Variants in CAMTA1 observed in about 807,000 individuals in gnomAD.
CAMTA1 encodes the protein calmodulin binding transcription activator 1, also known as calmodulin-binding transcription activator 1.
CAMTA1 carries 27 observed loss-of-function variants against 170.9 expected under a neutral mutation model. The observed-to-expected ratio is 0.16, with a 90% CI of 0.12 to 0.22. The LOEUF is 0.22. CAMTA1 is among the 10% of genes least tolerant of loss of function. The probability of loss-of-function intolerance (pLI) is 1.00; values close to 1 mark genes in which losing one functional copy is unlikely to be tolerated. For synonymous variants in CAMTA1, 833 were observed against 891.5 expected, an observed-to-expected ratio of 0.93 and a Z score of 1.17; for missense variants, 1,619 against 2,217.2, an observed-to-expected ratio of 0.73 and a Z score of 5.42.
chr1:7,669,060 G>A (rs2096030234), intron 9 of CAMTA1, among the ~76,000 whole-genome samples: 1 of 152,214 alleles, frequency 6.6e-6, no homozygotes, highest in Admixed American at 6.5e-5. Flanking sequence ...AACAAGGGAT[G>A]CTGTGGTCAG....
At chr1:6,844,901 T>C (rs1657436035) in intron 3 of CAMTA1, among the ~76,000 whole-genome samples, 1 of 152,112 alleles carries the variant, frequency 6.6e-6, no homozygotes, top group South Asian at 2.1e-4. Context: ...AACTCGTGGA[T>C]ATCAGTCAGG....
chr1:7,402,556 T>C (rs705693), intron 5 of CAMTA1, among the ~76,000 whole-genome samples: 117,099 of 152,132 alleles, frequency 0.77, 46,109 homozygotes, highest in African/African-American at 0.91. Flanking sequence ...CATTATATGC[T>C]GCAGTCGTGA....
chr1:7,105,512 C>T (rs140901370), intron 4 of CAMTA1, among the ~76,000 whole-genome samples: 149 of 152,358 alleles, frequency 9.8e-4, no homozygotes, highest in Non-Finnish European at 1.8e-3. Flanking sequence ...CCTTTTCCTC[C>T]GTTCCACTGA....
intron 4 of CAMTA1, among the ~76,000 whole-genome samples, chr1:7,133,796 A>G (rs554880379): frequency 7.2e-5 from 11 of 152,302 alleles, no homozygotes; most frequent in Non-Finnish European, 1.2e-4. Context: ...GGCCCTCTCA[A>G]ATGGTGGATG....
At chr1:7,720,847 C>T (rs1320335520) in intron 11 of CAMTA1, among the ~76,000 whole-genome samples, 1 of 152,158 alleles carries the variant, frequency 6.6e-6, no homozygotes, top group Non-Finnish European at 1.5e-5. Flanking sequence ...AGATGGCAGC[C>T]AGCCGGGCAG....
At chr1:6,989,202 A>G (rs1175455029) in intron 3 of CAMTA1, among the ~76,000 whole-genome samples, 1 of 152,164 alleles carries the variant, frequency 6.6e-6, no homozygotes, top group African/African-American at 2.4e-5. Context: ...AGACAGTTCC[A>G]TGGAAGGGGG....
intron 6 of CAMTA1, among the ~76,000 whole-genome samples, chr1:7,488,039 C>T (rs2093640464): frequency 6.6e-6 from 1 of 152,194 alleles, no homozygotes; most frequent in Non-Finnish European, 1.5e-5. Context: ...TCTGAGACTC[C>T]TCCCATCTAC....
intron 5 of CAMTA1, among the ~76,000 whole-genome samples, chr1:7,341,353 C>A (rs2083815405): frequency 1.3e-5 from 2 of 152,244 alleles, no homozygotes. Context: ...CCCACAGAAG[C>A]AGGTGACCAG....
At chr1:7,397,490 G>T (rs187624824) in intron 5 of CAMTA1, among the ~76,000 whole-genome samples, 1 of 151,928 alleles carries the variant, frequency 6.6e-6, no homozygotes, top group Admixed American at 6.5e-5. Context: ...TTGGGTTTTG[G>T]TCTCTATTTT....
In CAMTA1 at chr1:6,990,783, CTG is replaced by C. The variant is rs750158398; in HGVS notation, c.235-100519_235-100518del. 3.1e-3 allele frequency among the ~76,000 whole-genome samples: 360 copies of C among 117,904 alleles called. 2 individuals carry two copies. Among genetic ancestry groups the C allele is most frequent in the Middle Eastern group, 8.6e-3 (2 of 232 alleles). 77.3% of individuals were successfully genotyped at this position (117,904 alleles called of 152,430 possible). A position where few individuals can be genotyped will look rare whatever the true frequency, so the allele number is the denominator to read the frequency against. On this transcript the variant is annotated intron_variant, in intron 3 of 22. Transcript: ENST00000303635. ...CATATAACATGTACTTTCTCTCTCT[CTG>C]TCTCTCTCTCTCTCTCTCTCTATAT...
At chr1:7,196,642 G>A (rs1283581332) in intron 4 of CAMTA1, among the ~76,000 whole-genome samples, 2 of 152,198 alleles carry the variant, frequency 1.3e-5, no homozygotes, top group East Asian at 3.8e-4. Flanking sequence ...ATTCCCTTGG[G>A]AACCAGAAAT....
At chr1:7,636,151 A>AC (rs374808263) in intron 6 of CAMTA1, among the ~76,000 whole-genome samples, 54 of 151,740 alleles carry the variant, frequency 3.6e-4, no homozygotes, top group African/African-American at 1.1e-3. Flanking sequence ...CCGGGAAGGG[A>AC]CCCCCCACCC....
At chr1:6,993,251 C>A (rs1157918259) in intron 3 of CAMTA1, among the ~76,000 whole-genome samples, 1 of 152,132 alleles carries the variant, frequency 6.6e-6, no homozygotes, top group Non-Finnish European at 1.5e-5. Flanking sequence ...ATTAAAAAAA[C>A]CTGCAGGTAT....
chr1:6,886,325 C>T (rs555390276), intron 3 of CAMTA1: 53 of 446,104 alleles, frequency 1.2e-4, no homozygotes, highest in African/African-American at 5.1e-4. Context: ...CAGAGGAACT[C>T]GTATTTTATG....
intron 3 of CAMTA1, among the ~76,000 whole-genome samples, chr1:6,933,321 A>C (rs1054578051): frequency 6.6e-6 from 1 of 151,982 alleles, no homozygotes; most frequent in Non-Finnish European, 1.5e-5. Flanking sequence ...GTATAGTGGC[A>C]TGATCTCAGC....
chr1:7,279,485 A>G (rs940977793), intron 5 of CAMTA1, among the ~76,000 whole-genome samples: 8 of 152,126 alleles, frequency 5.3e-5, no homozygotes, highest in African/African-American at 1.4e-4. Flanking sequence ...AAAGCTGTCA[A>G]TGTCATAAGT....
chr1:6,855,192 C>T (rs2148843712), intron 3 of CAMTA1, among the ~76,000 whole-genome samples: 1 of 152,104 alleles, frequency 6.6e-6, no homozygotes, highest in Admixed American at 6.5e-5. Context: ...TATATGCCAA[C>T]AACAAACACA....
intron 3 of CAMTA1, among the ~76,000 whole-genome samples, chr1:7,039,279 T>TATC (rs1297482665): frequency 3.9e-5 from 6 of 152,166 alleles, no homozygotes; most frequent in Admixed American, 6.5e-5. Context: ...TCTTTTTTAC[T>TATC]ATCATCATCA....
At chr1:7,475,388 C>A (rs1575516938) in intron 6 of CAMTA1, among the ~76,000 whole-genome samples, 1 of 152,278 alleles carries the variant, frequency 6.6e-6, no homozygotes, top group South Asian at 2.1e-4. Context: ...TGACACTCTG[C>A]CCCAAAGAGG....
Sources: gnomAD v4.1 joint callset for allele counts (sites outside exome capture counted in the v4.1 genomes callset) on GRCh38, gnomAD v4.1.1 for gene constraint, MANE v1.5 for transcripts, NCBI Gene and HGNC (gene_info 2026-07-23, HGNC 2026-07-21) for gene names.